Variants in RFTN1 observed in about 807,000 individuals in gnomAD.
RFTN1 encodes raftlin.
Under a neutral mutation model 46.5 loss-of-function variants are expected in RFTN1, and 26 were observed. The ratio of observed to expected loss-of-function variants is 0.56; its 90% confidence interval spans 0.41 to 0.78. The LOEUF (loss-of-function observed/expected upper bound fraction) is 0.78. Ranked by LOEUF, RFTN1 falls within the 30% of genes least tolerant of loss-of-function variation. The pLI is 0.00. For synonymous variants in RFTN1, 261 were observed against 284.2 expected (o/e 0.92, Z 0.82); for missense variants, 693 against 718.7 (o/e 0.96, Z 0.41).
In RFTN1 at chr3:16,321,199, C is replaced by G. The variant is rs2069014611; in HGVS notation, c.1332+2177G>C. Among the ~76,000 whole-genome samples the G allele has an allele frequency of 6.6e-6, 1 of 152,052 alleles. No individual in the cohort carries two copies. The highest frequency in any genetic ancestry group is 2.4e-5 in the African/African-American group (1 of 41,368). On this transcript the variant is annotated intron_variant, in intron 9 of 9. Coordinates refer to ENST00000334133, the MANE Select transcript of RFTN1 (RefSeq NM_015150.2). This position sits in a 1 kb window ranked among gnomAD's most constrained non-coding sequence, Gnocchi z 4.8. The stretch of plus-strand genomic sequence containing the variant: ...GGGGACAGTCATAGGTTTCCTCGAG[C>G]CACAGGATGGATGGAGCTGGAGTCT...
intron 4 of RFTN1, among the ~76,000 whole-genome samples, chr3:16,406,896 GAC>G (rs1430888017): frequency 6.6e-6 from 1 of 152,140 alleles, no homozygotes; most frequent in South Asian, 2.1e-4. Context: ...TGAATCATCA[GAC>G]ACACATGTGC....
In RFTN1 at chr3:16,506,918, A is replaced by G. The variant is rs1485821887; in HGVS notation, c.-9+6524T>C. Among the ~76,000 whole-genome samples, 1 of 152,214 alleles carries G rather than the reference A, an allele frequency of 6.6e-6. No individual in the cohort carries two copies. Among genetic ancestry groups the G allele is most frequent in the Non-Finnish European group, 1.5e-5 (1 of 68,042 alleles). ...ACACTTATCTGGTACAGGATGGTAA[A>G]GGGCATTTGGAATATTCCATCTGTG... is the stretch of plus-strand genomic sequence containing the variant. On this transcript the variant is annotated intron_variant, in intron 1 of 9. Coordinates refer to ENST00000334133, the MANE Select transcript of RFTN1 (RefSeq NM_015150.2). This position sits in a 1 kb window ranked among gnomAD's most constrained non-coding sequence, Gnocchi z 4.8.
At chr3:16,454,345 A>G (rs1482826867) in intron 2 of RFTN1, among the ~76,000 whole-genome samples, 1 of 152,220 alleles carries the variant, frequency 6.6e-6, no homozygotes. Flanking sequence ...TGGTGAGCAC[A>G]CCTGCATCAG....
intron 2 of RFTN1, among the ~76,000 whole-genome samples, chr3:16,463,261 T>A (rs1200675356): frequency 3.3e-5 from 5 of 152,192 alleles, no homozygotes; most frequent in Non-Finnish European, 7.4e-5. Flanking sequence ...AAACACTGCT[T>A]CTGTCTCATT....
Position 16,456,584 on chromosome 3 carries a change from C to T in RFTN1, c.146-22547G>A, listed in dbSNP as rs868299188. 2.0e-5 allele frequency among the ~76,000 whole-genome samples: 3 copies of T among 152,314 alleles called. 1 individual carries two copies. The highest frequency in any genetic ancestry group is 6.8e-3 in the Middle Eastern group (2 of 294). Reference sequence around the variant, plus strand: ...AAACTCTTAGAAAAGGATTACAGAACCACTTTTCACTTTGAAAAATTCTTG... The same window carrying T: ...AAACTCTTAGAAAAGGATTACAGAATCACTTTTCACTTTGAAAAATTCTTG... On this transcript the variant is annotated intron_variant, in intron 2 of 9. Transcript: ENST00000334133.
rs994712435 is a variant in RFTN1 at position 16,376,263 on chromosome 3, A to G, written c.826+1455T>C. On this transcript the variant is annotated intron_variant, in intron 5 of 9. Coordinates refer to ENST00000334133, the MANE Select transcript of RFTN1 (RefSeq NM_015150.2). This position sits in a 1 kb window ranked among gnomAD's most constrained non-coding sequence, Gnocchi z 4.7. ...TACAACTTTAACCTTTCCATGAGAA[A>G]CTATCGTTCTATCCCCATTTCAAAG... Among the ~76,000 whole-genome samples the G allele has an allele frequency of 5.9e-5, 9 of 152,268 alleles. No individual in the cohort carries two copies. Among genetic ancestry groups the G allele is most frequent in the Admixed American group, 5.9e-4 (9 of 15,310 alleles).
At chr3:16,406,836 T>C (rs2074868678) in intron 4 of RFTN1, among the ~76,000 whole-genome samples, 1 of 152,196 alleles carries the variant, frequency 6.6e-6, no homozygotes, top group Non-Finnish European at 1.5e-5. Flanking sequence ...TGTTAAGGAC[T>C]TATACAAACA....
In RFTN1 at chr3:16,361,437, A is replaced by G. The variant is rs115088494; in HGVS notation, c.1031-3390T>C. ...CATCATGTCAGAGGTGATACATGCT[A>G]GAAAAATACTAAGTGGGCCAAGGGG... On this transcript the variant is annotated intron_variant, in intron 6 of 9. Coordinates refer to ENST00000334133, the MANE Select transcript of RFTN1 (RefSeq NM_015150.2). This position sits in a 1 kb window ranked among gnomAD's most constrained non-coding sequence, Gnocchi z 4.3. Among the ~76,000 whole-genome samples, 1,541 of 152,308 alleles carry G rather than the reference A, an allele frequency of 0.01. 31 individuals are homozygous for G. The highest frequency in any genetic ancestry group is 0.036 in the African/African-American group (1,504 of 41,582).
Position 16,489,131 on chromosome 3 carries a change from A to G in RFTN1, c.145+4594T>C, listed in dbSNP as rs1398607005. The stretch of plus-strand genomic sequence containing the variant: ...AACATCCTGGGAAATAAAATCAGTG[A>G]TGGAGGCCGGGTGAGGTGGCTCACA... On this transcript the variant is annotated intron_variant, in intron 2 of 9. Coordinates refer to ENST00000334133, the MANE Select transcript of RFTN1 (RefSeq NM_015150.2). The surrounding 1 kb of genome is among the most constrained non-coding windows in gnomAD (Gnocchi z 4.0). Among the ~76,000 whole-genome samples, 1 of 152,202 alleles carries G rather than the reference A, an allele frequency of 6.6e-6. No homozygotes were observed. Among genetic ancestry groups the G allele is most frequent in the Non-Finnish European group, 1.5e-5 (1 of 68,038 alleles).
In RFTN1 at chr3:16,500,079, G is replaced by A. The variant is rs1267564316; in HGVS notation, c.-8-6202C>T. ...CCCACTAGGTGGAATCATGCCCAGC[G>A]GTGCTATTCACTGACTTTTTCTCTG... On this transcript the variant is annotated intron_variant, in intron 1 of 9. Coordinates refer to ENST00000334133, the MANE Select transcript of RFTN1 (RefSeq NM_015150.2). The surrounding 1 kb of genome is among the most constrained non-coding windows in gnomAD (Gnocchi z 5.9). 5.3e-5 allele frequency among the ~76,000 whole-genome samples: 8 copies of A among 152,282 alleles called. No homozygotes were observed. The South Asian group carries it at 6.2e-4, about 12-fold the overall frequency.
chr3:16,498,591 C>T lies in RFTN1; in HGVS notation c.-8-4714G>A, dbSNP rs182693282. Among the ~76,000 whole-genome samples the T allele has an allele frequency of 5.5e-4, 84 of 152,304 alleles. 1 individual carries two copies. In the Middle Eastern group the frequency reaches 0.014, roughly 25 times the overall value. On this transcript the variant is annotated intron_variant, in intron 1 of 9. Transcript: ENST00000334133. The surrounding 1 kb of genome is among the most constrained non-coding windows in gnomAD (Gnocchi z 5.2). Reference sequence around the variant, plus strand: ...ACTGATTTCTCTGGAGTGCGTGCAACCCTGGCTAAGCAACTGTTTCTAAAG... The same window carrying T: ...ACTGATTTCTCTGGAGTGCGTGCAATCCTGGCTAAGCAACTGTTTCTAAAG...
intron 4 of RFTN1, among the ~76,000 whole-genome samples, chr3:16,396,520 GA>G (rs1338726750): frequency 3.3e-5 from 5 of 152,186 alleles, no homozygotes; most frequent in Admixed American, 6.5e-5. Flanking sequence ...AAAGACACTA[GA>G]AGAATGGCAG....
rs1050796343 is a variant in RFTN1, at chr3:16,459,960, A to T, written c.146-25923T>A. 2.6e-5 allele frequency among the ~76,000 whole-genome samples: 4 copies of T among 152,226 alleles called. No individual in the cohort carries two copies. The highest frequency in any genetic ancestry group is 1.5e-5 in the Non-Finnish European group (1 of 68,034). ...AATGTGATTTTTTTCTTCTCAGATAACTGAAGCCAAGACATTTTTGAGAAC... is the reference window on the plus strand; with the variant it reads ...AATGTGATTTTTTTCTTCTCAGATATCTGAAGCCAAGACATTTTTGAGAAC... On this transcript the variant is annotated intron_variant, in intron 2 of 9. Transcript: ENST00000334133. The surrounding 1 kb of genome is among the most constrained non-coding windows in gnomAD (Gnocchi z 4.2).
intron 2 of RFTN1, among the ~76,000 whole-genome samples, chr3:16,469,310 G>C (rs1157964760): frequency 6.6e-6 from 1 of 152,178 alleles, no homozygotes; most frequent in Non-Finnish European, 1.5e-5. Context: ...TATATATTAG[G>C]TGCTATGTGA....
At chr3:16,496,429 C>T (rs1168778799) in intron 1 of RFTN1, among the ~76,000 whole-genome samples, 18 of 152,098 alleles carry the variant, frequency 1.2e-4, no homozygotes, top group Admixed American at 1.1e-3. Flanking sequence ...GGTGAAATGC[C>T]CCAACAAACA....
chr3:16,405,857 G>T (rs2074844524), intron 4 of RFTN1, among the ~76,000 whole-genome samples: 1 of 152,086 alleles, frequency 6.6e-6, no homozygotes, highest in Non-Finnish European at 1.5e-5. Flanking sequence ...CAATCTACTT[G>T]TCATAGGAAC....
intron 9 of RFTN1, among the ~76,000 whole-genome samples, chr3:16,318,009 A>G (rs2068613616): frequency 1.3e-5 from 2 of 152,160 alleles, no homozygotes; most frequent in African/African-American, 4.8e-5. Flanking sequence ...AAAAACTTCC[A>G]ATCTCAGAGG....
Position 16,322,777 on chromosome 3 carries a change from T to C in RFTN1, c.1332+599A>G, listed in dbSNP as rs2069223031. ...CTCTGTGCGACTGTTTCTAGGGTAG[T>C]TCAGAGTCCGGAGAGGGGGAAAAGG... is the stretch of plus-strand genomic sequence containing the variant. On this transcript the variant is annotated intron_variant, in intron 9 of 9. Transcript: ENST00000334133. This position sits in a 1 kb window ranked among gnomAD's most constrained non-coding sequence, Gnocchi z 6.2. 6.6e-6 allele frequency among the ~76,000 whole-genome samples: 1 copy of C among 152,132 alleles called. No individual in the cohort carries two copies. The highest frequency in any genetic ancestry group is 1.5e-5 in the Non-Finnish European group (1 of 68,010).
In RFTN1 at chr3:16,474,794, T is replaced by A. The variant is rs561142770; in HGVS notation, c.145+18931A>T. Among the ~76,000 whole-genome samples, 1 of 152,212 alleles carries A rather than the reference T, an allele frequency of 6.6e-6. No homozygotes were observed. On this transcript the variant is annotated intron_variant, in intron 2 of 9. Transcript: ENST00000334133. The surrounding 1 kb of genome is among the most constrained non-coding windows in gnomAD (Gnocchi z 5.5). ...AGTTGGGAGATGACATCTTGACAAG[T>A]TGGACTCTTTCGGGACAAAGAATAC... is the stretch of plus-strand genomic sequence containing the variant.
Sources: gnomAD v4.1 joint callset for allele counts (sites outside exome capture counted in the v4.1 genomes callset) on GRCh38, gnomAD v4.1.1 for gene constraint, Gnocchi (gnomAD v3.1) non-coding constraint, MANE v1.5 for transcripts, NCBI Gene and HGNC (gene_info 2026-07-23, HGNC 2026-07-21) for gene names.